The following CCDC73 variants were observed in gnomAD, a reference collection of about 807,000 sequenced individuals.
The protein encoded by CCDC73 is coiled-coil domain-containing protein 73.
A neutral mutation model predicts 116.5 loss-of-function variants in CCDC73; 95 were observed. The observed-to-expected ratio is 0.82, with a 90% CI of 0.69 to 0.97. The LOEUF (loss-of-function observed/expected upper bound fraction) is 0.97. CCDC73 is among the 50% of genes least tolerant of loss of function. The pLI is 0.00. For missense variants in CCDC73, 1,066 were observed against 1,206.8 expected, an observed-to-expected ratio of 0.88 and a Z score of 1.73; for synonymous variants, 398 against 401.3, an observed-to-expected ratio of 0.99 and a Z score of 0.10.
At chr11:32,728,338 C>T (rs1192551267) in intron 2 of CCDC73, among the ~76,000 whole-genome samples, 1 of 152,198 alleles carries the variant, frequency 6.6e-6, no homozygotes, top group South Asian at 2.1e-4. Context: ...ATAGGAGATC[C>T]AATAATATCA....
At chr11:32,646,071 T>A (rs1855776501) in intron 12 of CCDC73, among the ~76,000 whole-genome samples, 1 of 152,204 alleles carries the variant, frequency 6.6e-6, no homozygotes, top group African/African-American at 2.4e-5. Flanking sequence ...ACAGTCTCTA[T>A]CCTAGTAATA....
intron 16 of CCDC73, 80 bp downstream of exon 16, chr11:32,613,342 T>C: frequency 1.7e-6 from 2 of 1,209,948 alleles, no homozygotes; most frequent in Non-Finnish European, 2.3e-6. Flanking sequence ...AAACAAAATT[T>C]ACAAAATATG....
At chr11:32,689,193 G>A (rs1039970898) in intron 6 of CCDC73, among the ~76,000 whole-genome samples, 2 of 152,062 alleles carry the variant, frequency 1.3e-5, no homozygotes, top group African/African-American at 2.4e-5. Context: ...GAGTACAAAA[G>A]GGTATAAAGT....
intron 14 of CCDC73, among the ~76,000 whole-genome samples, chr11:32,634,737 G>A (rs773162570): frequency 6.6e-6 from 1 of 152,146 alleles, no homozygotes; most frequent in Non-Finnish European, 1.5e-5. Flanking sequence ...CAGACAACAT[G>A]ATCATATATT....
Position 32,613,975 on chromosome 11 carries a change from A to T in CCDC73, c.2343T>A (p.Asn781Lys). ...NVNISHLHLN[N>K]ENSHASQAKD... The stretch of plus-strand genomic sequence containing the variant: ...TGGCTTGTGAAGCATGACTATTCTC[A>T]TTGTTAAGATGAAGATGGGAAATGT... Residue 781 changes from asparagine to lysine, a missense_variant, in exon 16 of 18, where the codon AAT (asparagine) becomes AAA (lysine). Physicochemically the swap from Asn to Lys is moderately conservative, Grantham distance 94. Transcript: ENST00000335185. 4 of 1,610,870 alleles carry T rather than the reference A, an allele frequency of 2.5e-6. No individual in the cohort carries two copies. Among genetic ancestry groups the T allele is most frequent in the Non-Finnish European group, 3.4e-6 (4 of 1,179,812 alleles).
chr11:32,700,671 A>G (rs1849803921), intron 5 of CCDC73, 120 bp downstream of exon 5: 2 of 508,426 alleles, frequency 3.9e-6, no homozygotes, highest in South Asian at 6.1e-5. Flanking sequence ...GTTTGTTACT[A>G]ATGCTCTTTT....
intron 12 of CCDC73, among the ~76,000 whole-genome samples, chr11:32,642,862 G>A (rs1220301245): frequency 1.3e-5 from 2 of 151,246 alleles, no homozygotes; most frequent in African/African-American, 4.8e-5. Flanking sequence ...CCACACAAAA[G>A]GATTTTTTTT....
the CCDC73 span, among the ~76,000 whole-genome samples, chr11:32,820,667 C>G: frequency 2.0e-5 from 3 of 152,248 alleles, no homozygotes; most frequent in Admixed American, 6.5e-5. Flanking sequence ...ATTACTATTG[C>G]CTTCTAAAAT....
intron 9 of CCDC73, among the ~76,000 whole-genome samples, chr11:32,661,700 ATACTTT>A (rs1306044231): frequency 1.3e-5 from 2 of 149,620 alleles, no homozygotes; most frequent in Non-Finnish European, 3.0e-5. Flanking sequence ...TATTATTATT[ATACTTT>A]AAGTTTTAGG....
chr11:32,812,415 C>T, the CCDC73 span, among the ~76,000 whole-genome samples: 1 of 152,106 alleles, frequency 6.6e-6, no homozygotes, highest in Non-Finnish European at 1.5e-5. Context: ...CCTGTAATCC[C>T]AACACTTTGG....
chr11:32,824,450 T>TA, the CCDC73 span, among the ~76,000 whole-genome samples: 1 of 152,214 alleles, frequency 6.6e-6, no homozygotes, highest in South Asian at 2.1e-4. Flanking sequence ...GAAGGAATCT[T>TA]AGAGTTCATG....
intron 6 of CCDC73, among the ~76,000 whole-genome samples, chr11:32,684,636 C>A (rs905157463): frequency 1.3e-5 from 2 of 151,988 alleles, no homozygotes; most frequent in Non-Finnish European, 2.9e-5. Context: ...TAAAGTTATT[C>A]TTTTTATTAG....
At chr11:32,644,494 A>G (rs951861219) in intron 12 of CCDC73, among the ~76,000 whole-genome samples, 1 of 152,222 alleles carries the variant, frequency 6.6e-6, no homozygotes, top group East Asian at 1.9e-4. Context: ...TATATGTAAC[A>G]TAAAATTTAC....
At chr11:32,807,340 T>C in the CCDC73 span, among the ~76,000 whole-genome samples, 2 of 152,176 alleles carry the variant, frequency 1.3e-5, 1 homozygote, top group South Asian at 4.1e-4. Context: ...CCCCTGCTGA[T>C]AATGAAAGGA....
At chr11:32,704,062 G>A (rs193198603) in intron 3 of CCDC73, among the ~76,000 whole-genome samples, 305 of 152,350 alleles carry the variant, frequency 2.0e-3, no homozygotes, top group African/African-American at 6.9e-3. Context: ...GGAGGTTGCG[G>A]CCAAGGCTAC....
At chr11:32,666,630 T>C (rs1411127946) in intron 9 of CCDC73, among the ~76,000 whole-genome samples, 1 of 152,212 alleles carries the variant, frequency 6.6e-6, no homozygotes, top group African/African-American at 2.4e-5. Flanking sequence ...CGGAGAAGTT[T>C]GATTGTCTGA....
At chr11:32,621,897 C>T (rs1855525819) in intron 14 of CCDC73, among the ~76,000 whole-genome samples, 3 of 152,256 alleles carry the variant, frequency 2.0e-5, no homozygotes, top group South Asian at 4.1e-4. Context: ...GGCCAATGAA[C>T]ATATGAAAAA....
intron 14 of CCDC73, among the ~76,000 whole-genome samples, chr11:32,635,347 G>A (rs1048592832): frequency 6.6e-6 from 1 of 152,060 alleles, no homozygotes; most frequent in African/African-American, 2.4e-5. Context: ...GTGTTGTACT[G>A]GCTTAAGTAT....
At chr11:32,759,968 T>C (rs1850377141) in intron 2 of CCDC73, 141 bp downstream of exon 2, 1 of 683,082 alleles carries the variant, frequency 1.5e-6, no homozygotes, top group South Asian at 1.8e-5. Flanking sequence ...TCTGTCCTAT[T>C]CTCTTTTACT....
Sources: gnomAD v4.1 joint callset for allele counts (sites outside exome capture counted in the v4.1 genomes callset) on GRCh38, gnomAD v4.1.1 for gene constraint, MANE v1.5 for transcripts, NCBI Gene and HGNC (gene_info 2026-07-23, HGNC 2026-07-21) for gene names.